PDE4D: variants seen among roughly 807,000 people sequenced by gnomAD.
PDE4D encodes the protein phosphodiesterase 4D.
A neutral mutation model predicts 87.4 loss-of-function variants in PDE4D; 24 were observed. The observed-to-expected ratio is 0.27, with a 90% CI of 0.20 to 0.39. PDE4D has a LOEUF of 0.39. PDE4D is among the 10% of genes least tolerant of loss of function. PDE4D has a pLI of 1.00. For missense variants in PDE4D, 714 were observed against 1,041.0 expected (o/e 0.69, Z 4.32); for synonymous variants, 384 against 383.2 (o/e 1.00, Z -0.02).
chr5:60,360,738 T>C (rs1759991466), intron 1 of PDE4D, among the ~76,000 whole-genome samples: 2 of 152,220 alleles, frequency 1.3e-5, no homozygotes, highest in Non-Finnish European at 2.9e-5. Context: ...TCATCAAGTC[T>C]TCTCCCAGAA....
chr5:59,339,881 C>G (rs1778406667), intron 1 of PDE4D, among the ~76,000 whole-genome samples: 1 of 152,036 alleles, frequency 6.6e-6, no homozygotes, highest in Non-Finnish European at 1.5e-5. Context: ...TCACTAATAT[C>G]ACTCTAGCAT....
intron 2 of PDE4D, among the ~76,000 whole-genome samples, chr5:60,006,825 A>G (rs1202498973): frequency 1.3e-5 from 2 of 151,968 alleles, no homozygotes; most frequent in African/African-American, 4.8e-5. Flanking sequence ...GTTATCCCTT[A>G]TAAAATAACA....
At chr5:59,745,820 C>A (rs1204726444) in intron 1 of PDE4D, among the ~76,000 whole-genome samples, 2 of 152,108 alleles carry the variant, frequency 1.3e-5, no homozygotes, top group Admixed American at 6.6e-5. Flanking sequence ...CACAGAAGAT[C>A]GTATTTCCTA....
intron 8 of PDE4D, 94 bp downstream of exon 8, chr5:58,991,738 A>G: frequency 1.2e-6 from 1 of 834,686 alleles, no homozygotes; most frequent in Non-Finnish European, 1.7e-6. Context: ...ACCCCAATTA[A>G]TAAACTTTTC....
At chr5:59,188,059 G>A (rs1254531543) in intron 3 of PDE4D, among the ~76,000 whole-genome samples, 1 of 152,048 alleles carries the variant, frequency 6.6e-6, no homozygotes, top group Non-Finnish European at 1.5e-5. Flanking sequence ...CAGTTTTACT[G>A]AAGCCCCTAA....
At chr5:60,460,817 T>C (rs1430511164) in intron 1 of PDE4D, 2 of 519,314 alleles carry the variant, frequency 3.9e-6, no homozygotes, top group Non-Finnish European at 6.9e-6. Flanking sequence ...TGGTATAAGA[T>C]TTATTGGTTA....
At chr5:60,250,515 A>AC (rs1217096548) in intron 1 of PDE4D, among the ~76,000 whole-genome samples, 18 of 152,018 alleles carry the variant, frequency 1.2e-4, no homozygotes, top group African/African-American at 4.1e-4. Context: ...ACAATGGACC[A>AC]CATACTACAG....
chr5:59,550,715 T>TTTTTG (rs1554023933), intron 1 of PDE4D, among the ~76,000 whole-genome samples: 47 of 151,718 alleles, frequency 3.1e-4, no homozygotes, highest in African/African-American at 1.1e-3. Context: ...TTTTTTTTTT[T>TTTTTG]GAGACAGAGT....
intron 1 of PDE4D, among the ~76,000 whole-genome samples, chr5:59,647,413 T>C (rs1197313806): frequency 2.6e-5 from 4 of 151,864 alleles, no homozygotes; most frequent in African/African-American, 7.2e-5. Flanking sequence ...ATATTATTCA[T>C]ATATGTACAT....
intron 1 of PDE4D, among the ~76,000 whole-genome samples, chr5:59,244,700 G>C (rs1758471085): frequency 6.8e-6 from 1 of 146,498 alleles, no homozygotes; most frequent in African/African-American, 2.5e-5. Context: ...GTGTGTGTGT[G>C]TGTGTGTGTG....
chr5:59,061,928 T>C (rs765782955), intron 5 of PDE4D, among the ~76,000 whole-genome samples: 11 of 152,052 alleles, frequency 7.2e-5, no homozygotes, highest in Non-Finnish European at 1.3e-4. Context: ...GTAGAGACCT[T>C]CACTGAAATA....
At chr5:59,567,877 CATCT>C (rs1290168678) in intron 1 of PDE4D, among the ~76,000 whole-genome samples, 2 of 152,144 alleles carry the variant, frequency 1.3e-5, no homozygotes, top group South Asian at 2.1e-4. Flanking sequence ...ATCTATCTAT[CATCT>C]ATCTATTTAT....
At chr5:60,395,995 G>A (rs910488951) in intron 1 of PDE4D, among the ~76,000 whole-genome samples, 28 of 152,120 alleles carry the variant, frequency 1.8e-4, no homozygotes, top group South Asian at 4.1e-4. Flanking sequence ...CCCAGCCCAC[G>A]GTTACCAAGA....
intron 1 of PDE4D, among the ~76,000 whole-genome samples, chr5:59,623,443 G>A (rs1424108423): frequency 1.3e-5 from 2 of 152,188 alleles, no homozygotes. Context: ...ACTTTAGAAA[G>A]ACAAAGTCGT....
chr5:59,711,822 G>A (rs564168833), intron 1 of PDE4D, among the ~76,000 whole-genome samples: 18 of 152,150 alleles, frequency 1.2e-4, no homozygotes, highest in African/African-American at 3.9e-4. Context: ...TGCTTATAAA[G>A]GTTATATAAT....
chr5:59,751,310 T>A (rs1484869726), intron 1 of PDE4D, among the ~76,000 whole-genome samples: 1 of 152,176 alleles, frequency 6.6e-6, no homozygotes, highest in East Asian at 1.9e-4. Flanking sequence ...ACACATCTGA[T>A]TTGAATGAAA....
intron 1 of PDE4D, among the ~76,000 whole-genome samples, chr5:59,835,183 C>A (rs1239323051): frequency 6.6e-6 from 1 of 152,046 alleles, no homozygotes; most frequent in Non-Finnish European, 1.5e-5. Flanking sequence ...ATTACTCAAT[C>A]TTTCTGATCT....
chr5:59,340,438 A>G (rs1343655459), intron 1 of PDE4D, among the ~76,000 whole-genome samples: 1 of 152,184 alleles, frequency 6.6e-6, no homozygotes, highest in Non-Finnish European at 1.5e-5. Flanking sequence ...TATGGGGTAC[A>G]TGAGATATTT....
intron 5 of PDE4D, among the ~76,000 whole-genome samples, chr5:59,157,659 C>G (rs1780453858): frequency 6.6e-6 from 1 of 152,074 alleles, no homozygotes; most frequent in Non-Finnish European, 1.5e-5. Flanking sequence ...ATAAAACCAA[C>G]CAAACACATA....
Sources: allele counts gnomAD v4.1 joint callset (sites outside exome capture counted in the v4.1 genomes callset), GRCh38; gene constraint gnomAD v4.1.1; transcripts MANE v1.5; gene names NCBI Gene and HGNC (gene_info 2026-07-23, HGNC 2026-07-21).